VAT1L: variants seen among roughly 807,000 people sequenced by gnomAD.
VAT1L encodes the protein putative NADPH-dependent quinone oxidoreductase VAT1L.
Under a neutral mutation model 44.1 loss-of-function variants are expected in VAT1L, and 34 were observed. The ratio of observed to expected loss-of-function variants is 0.77; its 90% CI spans 0.59 to 1.03. The LOEUF is 1.03. Ranked by LOEUF, VAT1L falls within the 50% of genes least tolerant of loss-of-function variation. The pLI is 0.00. For missense variants in VAT1L, 615 were observed against 538.8 expected (o/e 1.14, Z -1.40); for synonymous variants, 253 against 202.2 (o/e 1.25, Z -2.13).
chr16:77,814,933 G>A (rs1027406671), intron 1 of VAT1L, among the ~76,000 whole-genome samples: 1 of 152,120 alleles, frequency 6.6e-6, no homozygotes. Context: ...ATTGAATACT[G>A]ACTATGTACG....
chr16:77,793,576 A>C (rs2015874328), intron 1 of VAT1L, among the ~76,000 whole-genome samples: 1 of 152,158 alleles, frequency 6.6e-6, no homozygotes, highest in South Asian at 2.1e-4. Flanking sequence ...GGCTGCAGGA[A>C]TGTATTTAAG....
At chr16:77,936,960 G>C (rs1381132182) in intron 7 of VAT1L, among the ~76,000 whole-genome samples, 1 of 152,094 alleles carries the variant, frequency 6.6e-6, no homozygotes, top group African/African-American at 2.4e-5. Flanking sequence ...TCTTGGCTCA[G>C]TGCATCCTCC....
At chr16:77,854,704 C>T (rs1567488458) in intron 3 of VAT1L, among the ~76,000 whole-genome samples, 1 of 152,238 alleles carries the variant, frequency 6.6e-6, no homozygotes, top group Non-Finnish European at 1.5e-5. Flanking sequence ...CTCACCATCT[C>T]CTCCAAGTCT....
intron 2 of VAT1L, among the ~76,000 whole-genome samples, chr16:77,818,826 T>C (rs890633044): frequency 6.6e-6 from 1 of 152,202 alleles, no homozygotes. Context: ...AAACTGACAC[T>C]AGTATTCCAT....
intron 4 of VAT1L, 106 bp downstream of exon 4, chr16:77,862,996 A>ATAT: frequency 7.2e-7 from 1 of 1,386,826 alleles, no homozygotes; most frequent in South Asian, 1.4e-5. Context: ...TAGCAAACAT[A>ATAT]TATTGGGGGC....
intron 1 of VAT1L, among the ~76,000 whole-genome samples, chr16:77,814,718 T>C (rs2966054): frequency 0.97 from 147,169 of 152,324 alleles, 71,102 homozygotes; most frequent in East Asian, 1. Flanking sequence ...GTAGAAATTT[T>C]ATTTACTGTT....
chr16:77,826,171 C>T (rs1005707024), intron 3 of VAT1L, among the ~76,000 whole-genome samples: 7 of 148,678 alleles, frequency 4.7e-5, no homozygotes, highest in Non-Finnish European at 1.0e-4. Flanking sequence ...CCCGCCACTG[C>T]ACTCCAGCCT....
chr16:77,975,937 C>T (rs1446522052), intron 8 of VAT1L, among the ~76,000 whole-genome samples: 1 of 152,190 alleles, frequency 6.6e-6, no homozygotes, highest in African/African-American at 2.4e-5. Flanking sequence ...TCAGGGTCTC[C>T]CTTTCCACTG....
chr16:77,890,001 C>T (rs999523363), intron 7 of VAT1L, among the ~76,000 whole-genome samples: 6 of 152,076 alleles, frequency 3.9e-5, no homozygotes, highest in Non-Finnish European at 7.4e-5. Context: ...GCAGGAGAAT[C>T]GCTTGAACCC....
intron 3 of VAT1L, among the ~76,000 whole-genome samples, chr16:77,826,824 T>C (rs2966042): frequency 0.94 from 143,813 of 152,264 alleles, 67,988 homozygotes; most frequent in East Asian, 1. Context: ...ATCTTAGAGG[T>C]TTTGAGAGGT....
At chr16:77,958,324 C>T (rs921041561) in intron 7 of VAT1L, among the ~76,000 whole-genome samples, 7 of 152,180 alleles carry the variant, frequency 4.6e-5, no homozygotes, top group Non-Finnish European at 2.9e-5. Context: ...TAAATTGCTT[C>T]CTCTTCTGTG....
intron 7 of VAT1L, among the ~76,000 whole-genome samples, chr16:77,962,023 G>C (rs1050362764): frequency 2.6e-5 from 4 of 152,140 alleles, no homozygotes; most frequent in African/African-American, 9.7e-5. Context: ...TCAGCTGTGA[G>C]TCATCTCTAA....
rs1468151718 is a variant in VAT1L, at chr16:77,864,331, G to A, written c.722+1441G>A. ...AACAAGGCTGGGCACAGTGGCTCAT[G>A]CCTATAATCCCAGCACTTTGGGAGG... is the stretch of plus-strand genomic sequence containing the variant. On this transcript the variant is annotated intron_variant, in intron 4 of 8. Transcript: ENST00000302536. 3.9e-5 allele frequency among the ~76,000 whole-genome samples: 6 copies of A among 152,174 alleles called. No homozygotes were observed. The East Asian group carries it at 1.2e-3, about 29-fold the overall frequency.
chr16:77,900,110 T>C (rs1259912475), intron 7 of VAT1L, among the ~76,000 whole-genome samples: 1 of 152,160 alleles, frequency 6.6e-6, no homozygotes, highest in Non-Finnish European at 1.5e-5. Context: ...TGAAGCCCCA[T>C]AGTAAAACCA....
At chr16:77,965,967 C>T (rs2018218240) in intron 7 of VAT1L, among the ~76,000 whole-genome samples, 1 of 152,124 alleles carries the variant, frequency 6.6e-6, no homozygotes, top group Non-Finnish European at 1.5e-5. Context: ...CCAATGAGGA[C>T]TTCAAGTGTG....
chr16:77,946,836 A>G (rs1213015433), intron 7 of VAT1L, among the ~76,000 whole-genome samples: 1 of 152,174 alleles, frequency 6.6e-6, no homozygotes, highest in African/African-American at 2.4e-5. Context: ...CTCTGGGATC[A>G]GTCCCATTTG....
intron 4 of VAT1L, among the ~76,000 whole-genome samples, chr16:77,865,382 C>G (rs2016962648): frequency 6.6e-6 from 1 of 152,096 alleles, no homozygotes; most frequent in South Asian, 2.1e-4. Context: ...TGCAAGCATT[C>G]TTTCATGTAC....
At chr16:77,894,358 G>A (rs911193282) in intron 7 of VAT1L, among the ~76,000 whole-genome samples, 2 of 152,214 alleles carry the variant, frequency 1.3e-5, no homozygotes, top group Non-Finnish European at 2.9e-5. Context: ...TCAGAAAGCA[G>A]TGTCAGTAGA....
chr16:77,969,810 T>A (rs1378794729), intron 7 of VAT1L, among the ~76,000 whole-genome samples: 1 of 151,876 alleles, frequency 6.6e-6, no homozygotes, highest in Non-Finnish European at 1.5e-5. Context: ...GTAGCTATAA[T>A]GAACAAATGT....
Sources: gnomAD v4.1 joint callset for allele counts (sites outside exome capture counted in the v4.1 genomes callset) on GRCh38, gnomAD v4.1.1 for gene constraint, MANE v1.5 for transcripts, NCBI Gene and HGNC (gene_info 2026-07-23, HGNC 2026-07-21) for gene names.